The following MYO5B variants were observed in gnomAD, a reference collection of about 807,000 sequenced individuals.
The protein encoded by MYO5B is myosin VB.
In MYO5B, 143 loss-of-function variants were observed where a neutral mutation model predicts 229.3. That is an observed-to-expected ratio of 0.62 (90% CI 0.54 to 0.72). The LOEUF (loss-of-function observed/expected upper bound fraction) is 0.72. Among genes scored for constraint, MYO5B ranks in the 30% least tolerant of loss-of-function variants. The probability of loss-of-function intolerance (pLI) is 0.00; values close to 1 mark genes in which losing one functional copy is unlikely to be tolerated. For missense variants in MYO5B, 2,321 were observed against 2,331.0 expected, an observed-to-expected ratio of 1.00 and a Z score of 0.09; for synonymous variants, 918 against 885.2, an observed-to-expected ratio of 1.04 and a Z score of -0.66.
chr18:49,980,572 T>C lies in MYO5B; in HGVS notation c.947-19A>G. ...TTCACTCCTGGAAAAGAAAAATGAA[T>C]GGATGACACTCAGTATCCATGGTCG... On this transcript the variant is annotated intron_variant, in intron 8 of 39. Coordinates refer to ENST00000285039, the MANE Select transcript of MYO5B (RefSeq NM_001080467.3). 1 of 1,509,492 alleles carries C rather than the reference T, an allele frequency of 6.6e-7. No individual in the cohort carries two copies. Among genetic ancestry groups the C allele is most frequent in the Non-Finnish European group, 9.2e-7 (1 of 1,084,724 alleles). The allele number at this position is 1,509,492 out of a possible 1,614,324, so 93.5% of individuals were successfully genotyped here.
intron 22 of MYO5B, among the ~76,000 whole-genome samples, chr18:49,887,946 A>C (rs1183591789): frequency 6.6e-6 from 1 of 152,078 alleles, no homozygotes; most frequent in Non-Finnish European, 1.5e-5. Flanking sequence ...TCAGCCTCCC[A>C]AAGTGCTGGG....
chr18:50,052,862 G>A (rs2030437104), intron 2 of MYO5B, among the ~76,000 whole-genome samples: 4 of 152,122 alleles, frequency 2.6e-5, no homozygotes, highest in South Asian at 2.1e-4. Flanking sequence ...GCAAGCAGGC[G>A]GAAGGTCCTA....
rs1366409550 is a variant in MYO5B at position 49,902,852 on chromosome 18, A to G, written c.2572-19T>C. 1 of 1,598,130 alleles carries G rather than the reference A, an allele frequency of 6.3e-7. No homozygotes were observed. The highest frequency in any genetic ancestry group is 1.7e-5 in the Admixed American group (1 of 59,900). On this transcript the variant is annotated intron_variant, in intron 20 of 39. Transcript: ENST00000285039. ...TGAGGACCTGGCGGGAAACAAGGAT[A>G]CACATCTTGTGGGTTTGCACTGCAG...
chr18:50,033,554 C>T (rs887705811), intron 4 of MYO5B, among the ~76,000 whole-genome samples: 1 of 152,090 alleles, frequency 6.6e-6, no homozygotes, highest in Non-Finnish European at 1.5e-5. Context: ...ATAACTGATA[C>T]TTTATAAACA....
intron 1 of MYO5B, chr18:50,097,282 G>A (rs912772756): frequency 4.4e-6 from 2 of 456,694 alleles, no homozygotes; most frequent in South Asian, 3.1e-5. Context: ...GCTTGTGCTA[G>A]TGTGGCTCAC....
At chr18:49,912,258 A>G (rs2024967030) in intron 17 of MYO5B, 85 bp from the exon 18 acceptor site, 1 of 987,716 alleles carries the variant, frequency 1.0e-6, no homozygotes, top group Non-Finnish European at 1.6e-6. Flanking sequence ...ACAGTTCCCT[A>G]TGGGGTCAAC....
intron 14 of MYO5B, among the ~76,000 whole-genome samples, chr18:49,945,806 G>T (rs1278942026): frequency 6.6e-6 from 1 of 152,046 alleles, no homozygotes; most frequent in Non-Finnish European, 1.5e-5. Flanking sequence ...CCATGGACCA[G>T]GGCCAGAGAG....
At chr18:50,100,251 G>A (rs1441348159) in intron 1 of MYO5B, among the ~76,000 whole-genome samples, 2 of 152,200 alleles carry the variant, frequency 1.3e-5, no homozygotes, top group Non-Finnish European at 1.5e-5. Flanking sequence ...AGTATTTTAT[G>A]AGACATCTGC....
chr18:50,008,312 C>T (rs2026124980), intron 4 of MYO5B, among the ~76,000 whole-genome samples: 1 of 152,208 alleles, frequency 6.6e-6, no homozygotes, highest in African/African-American at 2.4e-5. Flanking sequence ...AGTCTCCCCA[C>T]TAGAACCTAA....
At chr18:50,185,603 A>G (rs1220368160) in intron 1 of MYO5B, among the ~76,000 whole-genome samples, 4 of 152,240 alleles carry the variant, frequency 2.6e-5, no homozygotes, top group Admixed American at 2.6e-4. Context: ...CGATTTAATC[A>G]TTATACATTG....
chr18:50,029,665 A>G (rs2144371118), intron 4 of MYO5B, among the ~76,000 whole-genome samples: 1 of 152,268 alleles, frequency 6.6e-6, no homozygotes, highest in Admixed American at 6.5e-5. Context: ...GTCTTACGGC[A>G]CTCAAGAGCT....
In MYO5B at chr18:49,906,527, A is replaced by T. The variant is rs770764473; in HGVS notation, c.2306T>A (p.Ile769Asn). Residue 769 changes from isoleucine to asparagine, a missense_variant, in exon 19 of 40, where the codon ATC (isoleucine) becomes AAC (asparagine). This residue lies in a region of MYO5B where 2,113 missense variants were observed against 2,044.7 expected (regional missense o/e 1.03). Transcript: ENST00000285039. Reference sequence around the variant, plus strand: ...TCCCCGGACAGTTTTCTGGATCATGATGGTGGCTGTCCGGAACTTGTCAGC... The same window carrying T: ...TCCCCGGACAGTTTTCTGGATCATGTTGGTGGCTGTCCGGAACTTGTCAGC... Reference protein sequence around the residue: ...LRADKFRTATIMIQKTVRGWL... With the variant: ...LRADKFRTATNMIQKTVRGWL... 94 of 1,614,194 alleles carry T rather than the reference A, an allele frequency of 5.8e-5. No individual in the cohort carries two copies. In the East Asian group the frequency reaches 1.7e-3, roughly 30 times the overall value.
At chr18:50,013,546 G>A (rs2026184453) in intron 4 of MYO5B, among the ~76,000 whole-genome samples, 1 of 152,082 alleles carries the variant, frequency 6.6e-6, no homozygotes, top group Non-Finnish European at 1.5e-5. Flanking sequence ...CACTAACTTG[G>A]GCTCAGTGAG....
rs535429794 is a variant in MYO5B, at chr18:49,827,135, A to G, written c.5395-512T>C. 3.3e-5 allele frequency among the ~76,000 whole-genome samples: 5 copies of G among 152,340 alleles called. No individual in the cohort carries two copies. The South Asian group carries it at 1.0e-3, about 32-fold the overall frequency. On this transcript the variant is annotated intron_variant, in intron 39 of 39. Transcript: ENST00000285039. ...AAGCTACCTTGAAGTAGAAACAGTG[A>G]TTGTCAACTATCTCATAACTCTGGA...
rs572146272 is a variant in MYO5B, at chr18:49,959,013, G to A, written c.1545+3253C>T. On this transcript the variant is annotated intron_variant, in intron 12 of 39. Transcript: ENST00000285039. ...GAAGCCCAAGTGCCTGCTCAGGGTG[G>A]ACACGGCTTCTCATTCTCCCATGGT... Among the ~76,000 whole-genome samples the A allele has an allele frequency of 8.5e-5, 13 of 152,268 alleles. No individual in the cohort carries two copies. The East Asian group carries it at 2.5e-3, about 29-fold the overall frequency.
chr18:50,057,753 G>A (rs1383257922), intron 1 of MYO5B, among the ~76,000 whole-genome samples: 3 of 152,098 alleles, frequency 2.0e-5, no homozygotes, highest in African/African-American at 7.2e-5. Context: ...GGGCACAGTG[G>A]GACCCCAATG....
At position 50,040,140 on chromosome 18, in the gene MYO5B, T is replaced by TA. The variant is rs781218177; in HGVS notation, c.310+2dup. 1 of 1,614,094 alleles carries TA rather than the reference T, an allele frequency of 6.2e-7. No individual in the cohort carries two copies. The highest frequency in any genetic ancestry group is 2.2e-5 in the East Asian group (1 of 44,880). On this transcript the variant is annotated splice_region_variant and intron_variant, in intron 3 of 39. Coordinates refer to ENST00000285039, the MANE Select transcript of MYO5B (RefSeq NM_001080467.3). Reference sequence around the variant, plus strand: ...ATGCAGCCAACAGATGCCCCCCACTTACCACAGTAAGTGTAGATATGGTTG... The same window carrying TA: ...ATGCAGCCAACAGATGCCCCCCACTTAACCACAGTAAGTGTAGATATGGTTG...
Position 50,095,057 on chromosome 18 carries a change from T to C in MYO5B, c.28-39679A>G, listed in dbSNP as rs181199830. 2.0e-5 allele frequency among the ~76,000 whole-genome samples: 3 copies of C among 152,320 alleles called. No individual in the cohort carries two copies. In the East Asian group the frequency reaches 5.8e-4, roughly 29 times the overall value. ...GTTGGCCAGGCTGGTCTCGAACTCC[T>C]GGCCTCAAGTAATCCACTGACCTCA... is the stretch of plus-strand genomic sequence containing the variant. On this transcript the variant is annotated intron_variant, in intron 1 of 39. Coordinates refer to ENST00000285039, the MANE Select transcript of MYO5B (RefSeq NM_001080467.3).
chr18:49,959,854 G>A (rs909146470), intron 12 of MYO5B, among the ~76,000 whole-genome samples: 21 of 152,232 alleles, frequency 1.4e-4, no homozygotes, highest in Non-Finnish European at 7.3e-5. Context: ...TCTTTGGAGA[G>A]TCTTGTTACG....
Sources: gnomAD v4.1 joint callset for allele counts (sites outside exome capture counted in the v4.1 genomes callset) on GRCh38, gnomAD v4.1.1 for gene constraint, gnomAD v4.1.1 regional missense constraint, MANE v1.5 for transcripts, NCBI Gene and HGNC (gene_info 2026-07-23, HGNC 2026-07-21) for gene names.